The following HIVEP3 variants were observed in gnomAD, a reference collection of about 807,000 sequenced individuals.
The protein encoded by HIVEP3 is transcription factor HIVEP3.
HIVEP3 carries 49 observed loss-of-function variants against 152.8 expected under a neutral mutation model. The observed-to-expected ratio is 0.32, with a 90% CI of 0.26 to 0.41. HIVEP3 has a LOEUF of 0.41. Ranked by LOEUF, HIVEP3 falls within the 10% of genes least tolerant of loss-of-function variation. The pLI, the probability that HIVEP3 is intolerant of heterozygous loss-of-function variation, is 1.00. For synonymous variants in HIVEP3, 1,269 were observed against 1,289.0 expected, an observed-to-expected ratio of 0.98 and a Z score of 0.33; for missense variants, 2,790 against 3,103.3, an observed-to-expected ratio of 0.90 and a Z score of 2.40.
intron 2 of HIVEP3, among the ~76,000 whole-genome samples, chr1:41,634,361 G>T (rs941634264): frequency 1.3e-5 from 2 of 152,092 alleles, no homozygotes; most frequent in African/African-American, 4.8e-5. Flanking sequence ...ACCATTTCTA[G>T]AAGAAAAGCA....
At position 41,866,296 on chromosome 1, in the gene HIVEP3, G is replaced by C. The variant is rs181126218; in HGVS notation, c.-801+52117C>G. 5.0e-3 allele frequency among the ~76,000 whole-genome samples: 769 copies of C among 152,356 alleles called. 15 individuals are homozygous for C. Among genetic ancestry groups the C allele is most frequent in the African/African-American group, 0.018 (744 of 41,586 alleles). On this transcript the variant is annotated intron_variant, in intron 1 of 8. Transcript: ENST00000372583. ...CTCCACCCCAGCTTCAGGGACAGGG[G>C]ATGCATGGTGGAAACCACTGCAGCT...
chr1:41,830,279 T>C (rs1370143365), intron 1 of HIVEP3, among the ~76,000 whole-genome samples: 2 of 131,610 alleles, frequency 1.5e-5, no homozygotes, highest in African/African-American at 5.7e-5. Context: ...ATCCCATAAG[T>C]TGGAAGTCAG....
chr1:41,511,083 T>G lies in HIVEP3; in HGVS notation c.6589A>C (p.Ile2197Leu), dbSNP rs774823137. ...LTRAPCPLIP[I>L]GGIQMVQARP... ...GCCTGCACCATCTGGATCCCACCGA[T>G]GGGAATCAAGGGACATGGGGCACGG... Residue 2197 changes from isoleucine (I) to leucine (L), a missense_variant, in exon 9 of 9, where the codon ATC (isoleucine) becomes CTC (leucine). Around this residue, in one of 9 missense-constraint regions of HIVEP3, gnomAD observed 816 missense variants for 806.5 expected, o/e 1.01. Coordinates refer to ENST00000372583, the MANE Select transcript of HIVEP3 (RefSeq NM_024503.5). The surrounding 1 kb of genome is among the most constrained non-coding windows in gnomAD (Gnocchi z 4.9). 6.2e-7 allele frequency: 1 copy of G among 1,613,820 alleles called. No homozygotes were observed. The highest frequency in any genetic ancestry group is 1.3e-5 in the African/African-American group (1 of 74,842).
intron 5 of HIVEP3, among the ~76,000 whole-genome samples, chr1:41,529,320 T>TC (rs1301210657): frequency 2.1e-5 from 1 of 48,008 alleles, no homozygotes; most frequent in Non-Finnish European, 4.0e-5. Context: ...TGCTCACACC[T>TC]CCCCACACCC....
intron 1 of HIVEP3, among the ~76,000 whole-genome samples, chr1:41,788,824 C>T (rs1649519894): frequency 6.6e-6 from 1 of 152,240 alleles, no homozygotes; most frequent in African/African-American, 2.4e-5. Context: ...TCAGCCAGCT[C>T]CAAGACCTTC....
chr1:42,010,053 C>G (rs904851888), intron 1 of HIVEP3, among the ~76,000 whole-genome samples: 1 of 151,994 alleles, frequency 6.6e-6, no homozygotes, highest in Non-Finnish European at 1.5e-5. Flanking sequence ...TACCACCATG[C>G]CTGGCTAATT....
chr1:41,596,627 CT>C (rs1034135988), intron 3 of HIVEP3, among the ~76,000 whole-genome samples: 5 of 152,230 alleles, frequency 3.3e-5, no homozygotes, highest in Non-Finnish European at 7.3e-5. Context: ...TTTAAAAACA[CT>C]TAACTGACCA....
rs550088088 is a variant in HIVEP3 at position 41,695,772 on chromosome 1, G to T, written c.-721+5144C>A. ...TGTGCTTTAGAAACAGACCAACTAG[G>T]TATATTCGTTTTCAATAAACGTGAA... On this transcript the variant is annotated intron_variant, in intron 2 of 8. Coordinates refer to ENST00000372583, the MANE Select transcript of HIVEP3 (RefSeq NM_024503.5). Among the ~76,000 whole-genome samples the T allele has an allele frequency of 8.3e-4, 126 of 152,292 alleles. 1 individual carries two copies. In the Middle Eastern group the frequency reaches 0.014, roughly 16 times the overall value.
intron 5 of HIVEP3, chr1:41,543,275 A>G (rs1643577476): frequency 6.6e-6 from 1 of 152,128 alleles, no homozygotes; most frequent in African/African-American, 2.4e-5. Context: ...AAAGTACTTA[A>G]TGGTTTGGGC....
chr1:41,545,558 TACCATC>T (rs1643757387), intron 5 of HIVEP3, among the ~76,000 whole-genome samples: 1 of 20,238 alleles, frequency 4.9e-5, no homozygotes, highest in Non-Finnish European at 1.1e-4. Context: ...TCACCATCAC[TACCATC>T]ACCACCACCA....
intron 2 of HIVEP3, among the ~76,000 whole-genome samples, chr1:41,633,091 G>A (rs931357624): frequency 3.3e-5 from 5 of 151,994 alleles, no homozygotes; most frequent in Non-Finnish European, 5.9e-5. Context: ...CTCCCCCTCC[G>A]TGGCAGGTCA....
intron 3 of HIVEP3, among the ~76,000 whole-genome samples, chr1:41,610,550 G>T (rs933397909): frequency 4.6e-5 from 7 of 152,166 alleles, no homozygotes; most frequent in African/African-American, 1.7e-4. Context: ...AGGCCAGAGA[G>T]GGACGGTTCC....
chr1:41,733,982 A>C, intron 1 of HIVEP3, among the ~76,000 whole-genome samples: 5 of 138,572 alleles, frequency 3.6e-5, no homozygotes, highest in East Asian at 2.1e-4. Context: ...CACAGTCCCC[A>C]CTCCCTGGTC....
intron 1 of HIVEP3, among the ~76,000 whole-genome samples, chr1:41,881,659 T>C (rs1043819943): frequency 6.6e-6 from 1 of 152,222 alleles, no homozygotes; most frequent in Non-Finnish European, 1.5e-5. Flanking sequence ...CTCCCAGCTA[T>C]TTGCCAGAAC....
At chr1:41,876,829 T>C (rs1644178059) in intron 1 of HIVEP3, among the ~76,000 whole-genome samples, 1 of 152,246 alleles carries the variant, frequency 6.6e-6, no homozygotes, top group South Asian at 2.1e-4. Flanking sequence ...ATGTTACATC[T>C]TGTCTACTTT....
At chr1:41,965,284 T>C (rs905873118) in intron 1 of HIVEP3, among the ~76,000 whole-genome samples, 3 of 152,022 alleles carry the variant, frequency 2.0e-5, no homozygotes, top group Admixed American at 2.0e-4. Flanking sequence ...GTGGATAAGC[T>C]TACAAAGATG....
At chr1:41,709,910 G>T (rs1320314987) in intron 1 of HIVEP3, among the ~76,000 whole-genome samples, 2 of 152,154 alleles carry the variant, frequency 1.3e-5, no homozygotes, top group African/African-American at 2.4e-5. Flanking sequence ...TTCAGCTCAG[G>T]TGATGAATAG....
At chr1:41,930,204 T>G (rs140681953) in intron 1 of HIVEP3, among the ~76,000 whole-genome samples, 4 of 152,304 alleles carry the variant, frequency 2.6e-5, no homozygotes, top group African/African-American at 9.6e-5. Flanking sequence ...TACAGATCTA[T>G]GGGTTTGACA....
chr1:41,762,207 G>A (rs942880023), intron 1 of HIVEP3, among the ~76,000 whole-genome samples: 5 of 152,080 alleles, frequency 3.3e-5, no homozygotes, highest in Admixed American at 3.3e-4. Flanking sequence ...CTTCAGATGG[G>A]GGACCAACCT....
Sources: gnomAD v4.1 joint callset for allele counts (sites outside exome capture counted in the v4.1 genomes callset) on GRCh38, gnomAD v4.1.1 for gene constraint, gnomAD v4.1.1 regional missense constraint, Gnocchi (gnomAD v3.1) non-coding constraint, MANE v1.5 for transcripts, NCBI Gene and HGNC (gene_info 2026-07-23, HGNC 2026-07-21) for gene names.